The following DOCK8 variants were observed in gnomAD, a reference collection of about 807,000 sequenced individuals.
DOCK8 encodes dedicator of cytokinesis protein 8.
In DOCK8, 141 loss-of-function variants were observed where a neutral mutation model predicts 245.6. The ratio of observed to expected loss-of-function variants is 0.57; its 90% CI spans 0.50 to 0.66. The LOEUF (loss-of-function observed/expected upper bound fraction) is 0.66, where lower values mean the gene tolerates loss of function less well. Among genes scored for constraint, DOCK8 ranks in the 30% least tolerant of loss-of-function variants. The pLI is 0.00. For missense variants in DOCK8, 2,965 were observed against 2,603.4 expected, an observed-to-expected ratio of 1.14 and a Z score of -3.02; for synonymous variants, 1,168 against 970.2, an observed-to-expected ratio of 1.20 and a Z score of -3.79.
At position 442,007 on chromosome 9, in the gene DOCK8, G is replaced by C; in HGVS notation, c.5488G>C (p.Glu1830Gln). The C allele has an allele frequency of 6.2e-7, 1 of 1,613,936 alleles. No homozygotes were observed. The highest frequency in any genetic ancestry group is 8.5e-7 in the Non-Finnish European group (1 of 1,179,984). ...TKLPEISHRL[E>Q]AFYGQCFGAE... ...GCTTCCTGAGATCTCACATAGACTA[G>C]AGGTAAGAAAAGTGATTCTGTGCGC... Residue 1830 changes from glutamate (E) to glutamine (Q), a missense_variant and splice_region_variant, in exon 42 of 48, where the codon GAG becomes CAG. By Grantham distance (29) the Glu-to-Gln change is conservative. This residue lies in a region of DOCK8 where 2,825 missense variants were observed against 2,453.5 expected (regional missense o/e 1.15). Coordinates refer to ENST00000432829, the MANE Select transcript of DOCK8 (RefSeq NM_203447.4).
At chr9:456,813 T>A (rs550882799) in intron 46 of DOCK8, 10 of 152,086 alleles carry the variant, frequency 6.6e-5, no homozygotes, top group Non-Finnish European at 1.3e-4. Flanking sequence ...CATTTAGATT[T>A]TTAAATTTTC....
chr9:289,935 G>A (rs1184052569), intron 4 of DOCK8, among the ~76,000 whole-genome samples: 1 of 152,116 alleles, frequency 6.6e-6, no homozygotes, highest in Admixed American at 6.6e-5. Flanking sequence ...ATACAGAATT[G>A]TTTCACTGCC....
At chr9:445,710 C>T (rs1028070759) in intron 43 of DOCK8, among the ~76,000 whole-genome samples, 3 of 149,362 alleles carry the variant, frequency 2.0e-5, no homozygotes, top group Non-Finnish European at 3.0e-5. Context: ...TGTTAATTCC[C>T]CACTGGAGTG....
intron 20 of DOCK8, among the ~76,000 whole-genome samples, chr9:377,761 A>G (rs997396204): frequency 4.6e-5 from 7 of 152,186 alleles, no homozygotes; most frequent in Non-Finnish European, 7.3e-5. Context: ...ATCACTCCCT[A>G]TTCATCCCTC....
At chr9:417,156 G>A (rs937075935) in intron 29 of DOCK8, among the ~76,000 whole-genome samples, 4 of 152,096 alleles carry the variant, frequency 2.6e-5, no homozygotes, top group Non-Finnish European at 5.9e-5. Context: ...TTAGCCAGGC[G>A]TGGTGGCGCA....
chr9:242,407 C>G (rs2047395538), intron 1 of DOCK8, among the ~76,000 whole-genome samples: 1 of 151,998 alleles, frequency 6.6e-6, no homozygotes, highest in Non-Finnish European at 1.5e-5. Context: ...CAAATGTAAA[C>G]TAGGAGAAAT....
At chr9:298,679 T>C (rs596113) in intron 4 of DOCK8, among the ~76,000 whole-genome samples, 135,661 of 151,146 alleles carry the variant, frequency 0.9, 60,933 homozygotes, top group Admixed American at 0.92. Context: ...GAGATGTTCC[T>C]TTGTAAGTAA....
intron 2 of DOCK8, chr9:280,755 C>T (rs1353616541): frequency 6.6e-6 from 1 of 152,156 alleles, no homozygotes; most frequent in African/African-American, 2.4e-5. Flanking sequence ...TGTGTGTATG[C>T]TACAAAATGG....
chr9:366,651 A>G (rs2053015092), intron 14 of DOCK8: 1 of 152,236 alleles, frequency 6.6e-6, no homozygotes. Flanking sequence ...TTCTGAGGTC[A>G]AAACATTTGG....
intron 2 of DOCK8, among the ~76,000 whole-genome samples, chr9:278,751 A>C (rs1458349015): frequency 6.6e-6 from 1 of 152,216 alleles, no homozygotes; most frequent in African/African-American, 2.4e-5. Context: ...CGTGCTCCAG[A>C]AGCAGCAAGG....
chr9:433,841 G>C, intron 37 of DOCK8, 34 bp from the exon 38 acceptor site: 1 of 1,550,330 alleles, frequency 6.5e-7, no homozygotes, highest in East Asian at 2.2e-5. Context: ...GGACTACAAA[G>C]CTAAGATTAT....
rs536373496 is a variant in DOCK8 at position 429,816 on chromosome 9, C to G, written c.4588C>G (p.Leu1530Val). Residue 1530 changes from leucine (L) to valine (V), a missense_variant, in exon 36 of 48, where the codon CTT becomes GTT. This residue lies in a region of DOCK8 where 2,825 missense variants were observed against 2,453.5 expected (regional missense o/e 1.15). Transcript: ENST00000432829. ...CACCCGGAGCCAAGCCTGTGCCACC[C>G]TTTACCTCCTCATGAGGTTCAGTTT... ...DVTRSQACAT[L>V]YLLMRFSFGA... 3.8e-4 allele frequency: 618 copies of G among 1,614,172 alleles called. 7 individuals carry two copies. The South Asian group carries it at 6.4e-3, about 17-fold the overall frequency.
At chr9:362,803 C>T (rs117443347) in intron 14 of DOCK8, among the ~76,000 whole-genome samples, 1,622 of 152,294 alleles carry the variant, frequency 0.011, 20 homozygotes, top group Middle Eastern at 0.027. Context: ...TTTTTCTGTT[C>T]GTTTCCTTGC....
At chr9:385,032 AC>A (rs753860252) in intron 22 of DOCK8, among the ~76,000 whole-genome samples, 1 of 152,246 alleles carries the variant, frequency 6.6e-6, no homozygotes, top group Non-Finnish European at 1.5e-5. Context: ...TTTTTGACTT[AC>A]AAAAATCAGT....
intron 28 of DOCK8, among the ~76,000 whole-genome samples, 170 bp downstream of exon 28, chr9:407,239 AAGAAAGGCCTTTCTTGTGT>A (rs1403652758): frequency 1.3e-5 from 2 of 152,210 alleles, no homozygotes; most frequent in African/African-American, 4.8e-5. Context: ...CACAAGGCAC[AAGAAAGGCCTTTCTTGTGT>A]AGAAAGGCAC....
At chr9:341,418 A>G (rs1325117266) in intron 14 of DOCK8, among the ~76,000 whole-genome samples, 1 of 152,200 alleles carries the variant, frequency 6.6e-6, no homozygotes, top group African/African-American at 2.4e-5. Context: ...GCAGAAAAGG[A>G]TGCCTTCTAT....
At chr9:214,440 C>T (rs1173767625), upstream of DOCK8, 6 of 1,525,928 alleles carry the variant, frequency 3.9e-6, no homozygotes, top group Non-Finnish European at 4.5e-6. Context: ...ATAGATTCCA[C>T]TAACTTTTTT....
At chr9:256,503 G>T (rs549538900) in intron 1 of DOCK8, among the ~76,000 whole-genome samples, 1 of 152,292 alleles carries the variant, frequency 6.6e-6, no homozygotes, top group South Asian at 2.1e-4. Context: ...TATTGAATGT[G>T]CATGATTCCT....
Position 371,470 on chromosome 9 carries a change from T to C in DOCK8, c.1911T>C (p.Ala637=). The C allele has an allele frequency of 6.2e-7, 1 of 1,614,222 alleles. No individual in the cohort carries two copies. Among genetic ancestry groups the C allele is most frequent in the Non-Finnish European group, 8.5e-7 (1 of 1,180,016 alleles). Residue 637 remains alanine (A), a synonymous_variant, in exon 17 of 48, where the codon GCT becomes GCC. Transcript: ENST00000432829. ...AAGAAGTGAAAATTAAGCTCCCCGC[T>C]AAGCTCACAGTAAATCACCACCTCC... The part of the protein sequence containing the change: ...FYEEVKIKLP[A]KLTVNHHLLF...
Sources: allele counts gnomAD v4.1 joint callset (sites outside exome capture counted in the v4.1 genomes callset), GRCh38; gene constraint gnomAD v4.1.1; regional missense constraint gnomAD v4.1.1; transcripts MANE v1.5; gene names NCBI Gene and HGNC (gene_info 2026-07-23, HGNC 2026-07-21).